Variants in FMO4 observed in about 807,000 individuals in gnomAD.
FMO4 encodes dimethylaniline monooxygenase [N-oxide-forming] 4.
FMO4 carries 38 observed loss-of-function variants against 43.3 expected under a neutral mutation model. The ratio of observed to expected loss-of-function variants is 0.88; its 90% confidence interval spans 0.68 to 1.15. The LOEUF is 1.15. FMO4 is among the 50% of genes most tolerant of loss of function. The probability of loss-of-function intolerance (pLI) is 0.00; values close to 1 mark genes in which losing one functional copy is unlikely to be tolerated. For synonymous variants in FMO4, 224 were observed against 232.2 expected (o/e 0.96, Z 0.32); for missense variants, 631 against 663.3 (o/e 0.95, Z 0.54).
intron 3 of FMO4, among the ~76,000 whole-genome samples, chr1:171,322,091 C>G (rs778028903): frequency 2.0e-5 from 3 of 152,118 alleles, no homozygotes; most frequent in Non-Finnish European, 4.4e-5. Context: ...CATGAAAAAA[C>G]AGAGGCTGCA....
At chr1:171,327,175 C>G (rs1249249568) in intron 5 of FMO4, among the ~76,000 whole-genome samples, 1 of 152,180 alleles carries the variant, frequency 6.6e-6, no homozygotes, top group Non-Finnish European at 1.5e-5. Flanking sequence ...ATATTCTGTT[C>G]CCACTTCTTG....
intron 1 of FMO4, among the ~76,000 whole-genome samples, chr1:171,314,977 C>T (rs552385705): frequency 6.6e-6 from 1 of 152,178 alleles, no homozygotes; most frequent in East Asian, 1.9e-4. Context: ...GTCAGGTCTC[C>T]TTTCTGCCAA....
chr1:171,332,696 C>T lies in FMO4; in HGVS notation c.628-13C>T. On this transcript the variant is annotated splice_polypyrimidine_tract_variant and intron_variant, in intron 6 of 9. Transcript: ENST00000367749. ...ACATTTATTTATCCTTCTTGCCTTA[C>T]TTTACTTTTTAGGTACTTCTCAGTA... The T allele has an allele frequency of 6.3e-7, 1 of 1,599,550 alleles. No individual in the cohort carries two copies. Among genetic ancestry groups the T allele is most frequent in the Non-Finnish European group, 8.6e-7 (1 of 1,169,080 alleles).
intron 5 of FMO4, among the ~76,000 whole-genome samples, chr1:171,329,969 A>G (rs931342930): frequency 6.6e-6 from 1 of 152,238 alleles, no homozygotes; most frequent in Non-Finnish European, 1.5e-5. Flanking sequence ...AGCGTAGTGT[A>G]TAAGATGTTT....
chr1:171,330,548 A>G (rs1662855390), intron 5 of FMO4, among the ~76,000 whole-genome samples: 1 of 152,202 alleles, frequency 6.6e-6, no homozygotes, highest in South Asian at 2.1e-4. Context: ...GAGCAAAGTC[A>G]CGTCTTACAG....
intron 9 of FMO4, 120 bp downstream of exon 9, chr1:171,337,545 T>G: frequency 1.4e-6 from 1 of 710,876 alleles, no homozygotes; most frequent in East Asian, 2.6e-5. Flanking sequence ...AACTCTGCAT[T>G]AGGAATCAGA....
intron 3 of FMO4, among the ~76,000 whole-genome samples, 192 bp from the exon 4 acceptor site, chr1:171,322,812 C>T (rs1342900170): frequency 3.3e-5 from 5 of 152,204 alleles, no homozygotes; most frequent in Non-Finnish European, 5.9e-5. Context: ...AAAATCGCAC[C>T]ACTGCACTCT....
Position 171,331,645 on chromosome 1 carries a change from C to T in FMO4, c.490C>T (p.His164Tyr). Reference protein sequence around the residue: ...HLPLEAFPGIHKFKGQILHSQ... With the variant: ...HLPLEAFPGIYKFKGQILHSQ... ...TGATCCTTCACTCCTCTCAGGAATT[C>T]ATAAGTTTAAAGGTCAGATCCTGCA... is the stretch of plus-strand genomic sequence containing the variant. The change falls in exon 6 of 10, where the codon CAT becomes TAT. Residue 164 changes from histidine (H) to tyrosine (Y), a missense_variant. Coordinates refer to ENST00000367749, the MANE Select transcript of FMO4 (RefSeq NM_002022.3). 6.2e-7 allele frequency: 1 copy of T among 1,613,718 alleles called. No individual in the cohort carries two copies. The highest frequency in any genetic ancestry group is 8.5e-7 in the Non-Finnish European group (1 of 1,179,720).
chr1:171,336,985 A>ACC (rs199628875), intron 8 of FMO4, among the ~76,000 whole-genome samples: 1 of 150,670 alleles, frequency 6.6e-6, no homozygotes, highest in Non-Finnish European at 1.5e-5. Context: ...ACACACACAC[A>ACC]CGTACAATGT....
intron 9 of FMO4, among the ~76,000 whole-genome samples, chr1:171,338,028 C>T (rs1182352304): frequency 2.0e-5 from 3 of 152,126 alleles, no homozygotes; most frequent in East Asian, 1.9e-4. Flanking sequence ...TGACCCCCTC[C>T]GCCCCCCATC....
At chr1:171,337,528 T>C (rs989559727) in intron 9 of FMO4, 103 bp downstream of exon 9, 2 of 777,854 alleles carry the variant, frequency 2.6e-6, no homozygotes, top group Non-Finnish European at 4.4e-6. Flanking sequence ...TATGGCAGGT[T>C]GGAAATAACT....
chr1:171,327,613 G>A (rs1662721031), intron 5 of FMO4, among the ~76,000 whole-genome samples: 1 of 152,114 alleles, frequency 6.6e-6, no homozygotes, highest in Non-Finnish European at 1.5e-5. Context: ...GGTGCTGTGA[G>A]GTTTAAATTC....
chr1:171,324,243 G>T lies in FMO4; in HGVS notation c.427G>T (p.Val143Phe). The T allele has an allele frequency of 6.2e-7, 1 of 1,613,504 alleles. No homozygotes were observed. The change falls in exon 5 of 10, where the codon GTT becomes TTT. Residue 143 changes from valine to phenylalanine, a missense_variant. Physicochemically the swap from Val to Phe is conservative, Grantham distance 50. Coordinates refer to ENST00000367749, the MANE Select transcript of FMO4 (RefSeq NM_002022.3). The stretch of plus-strand genomic sequence containing the variant: ...GCAAAATAGAGCTGTCTTTGATGCT[G>T]TTATGGTTTGCACTGGACATTTCCT... ...GKQNRAVFDA[V>F]MVCTGHFLNP... is the part of the protein sequence containing the mutation.
At chr1:171,314,754 C>T (rs45552133) in intron 1 of FMO4, among the ~76,000 whole-genome samples, 7,667 of 151,626 alleles carry the variant, frequency 0.051, 598 homozygotes, top group African/African-American at 0.17. Flanking sequence ...CCATAGATGG[C>T]GTGGGAAAAA....
chr1:171,336,049 A>T (rs1346431691), intron 8 of FMO4, among the ~76,000 whole-genome samples: 1 of 152,152 alleles, frequency 6.6e-6, no homozygotes, highest in Non-Finnish European at 1.5e-5. Flanking sequence ...GCAATCTAGG[A>T]ACAACCAATT....
At chr1:171,315,110 G>A (rs899840370) in intron 1 of FMO4, among the ~76,000 whole-genome samples, 2 of 152,146 alleles carry the variant, frequency 1.3e-5, no homozygotes, top group African/African-American at 4.8e-5. Flanking sequence ...TGACCAACAT[G>A]GTGAAACCCC....
chr1:171,334,112 C>G (rs1663012471), intron 7 of FMO4, among the ~76,000 whole-genome samples: 1 of 152,176 alleles, frequency 6.6e-6, no homozygotes, highest in African/African-American at 2.4e-5. Flanking sequence ...TTGTTGTACC[C>G]TCTATGCTGA....
At chr1:171,334,804 A>G in intron 8 of FMO4, 41 bp downstream of exon 8, 2 of 1,210,098 alleles carry the variant, frequency 1.7e-6, no homozygotes, top group Non-Finnish European at 2.3e-6. Context: ...TGGATCGTAA[A>G]ATTGGTGCCC....
At chr1:171,339,184 G>A (rs1663250592) in intron 9 of FMO4, among the ~76,000 whole-genome samples, 1 of 152,070 alleles carries the variant, frequency 6.6e-6, no homozygotes, top group Admixed American at 6.6e-5. Flanking sequence ...AAAAAATTTA[G>A]GTACATATGA....
Sources: gnomAD v4.1 joint callset for allele counts (sites outside exome capture counted in the v4.1 genomes callset) on GRCh38, gnomAD v4.1.1 for gene constraint, MANE v1.5 for transcripts, NCBI Gene and HGNC (gene_info 2026-07-23, HGNC 2026-07-21) for gene names.